Variants in FNDC8 observed in about 807,000 individuals in gnomAD.
FNDC8 encodes the protein fibronectin type III domain-containing protein 8.
In FNDC8, 23 loss-of-function variants were observed where a neutral mutation model predicts 24.8. The observed-to-expected ratio is 0.93, with a 90% confidence interval of 0.67 to 1.31. FNDC8 has a LOEUF of 1.31. Among genes scored for constraint, FNDC8 ranks in the 40% most tolerant of loss-of-function variants. The probability of loss-of-function intolerance (pLI) is 0.00; values close to 1 mark genes in which losing one functional copy is unlikely to be tolerated. For synonymous variants in FNDC8, 158 were observed against 165.3 expected (o/e 0.96, Z 0.34); for missense variants, 371 against 398.2 (o/e 0.93, Z 0.58).
chr17:35,127,542 G>A (rs1444579870), intron 2 of FNDC8, 125 bp downstream of exon 2: 13 of 1,189,546 alleles, frequency 1.1e-5, no homozygotes, highest in Non-Finnish European at 1.4e-5. Context: ...TTTAGGAAGG[G>A]AGAGGATGTG....
rs146757908 is a variant in FNDC8 at position 35,130,341 on chromosome 17, C to T, written c.882C>T (p.Thr294=). The change falls in exon 4 of 4, where the codon ACC becomes ACT. Residue 294 remains threonine, a synonymous_variant. Transcript: ENST00000158009. Reference sequence around the variant, plus strand: ...CTGAGAACTACCCCATCCAGATCACCGTGCGGCGCAAGGAACCCCGGCAAA... The same window carrying T: ...CTGAGAACTACCCCATCCAGATCACTGTGCGGCGCAAGGAACCCCGGCAAA... ...SFPENYPIQI[T]VRRKEPRQKI... The T allele has an allele frequency of 9.3e-4, 1,506 of 1,614,110 alleles. 1 individual carries two copies. The highest frequency in any genetic ancestry group is 1.2e-3 in the Non-Finnish European group (1,416 of 1,180,000).
rs2091870858 is a variant in FNDC8, at chr17:35,130,550, G to A, written c.*116G>A. 2 of 1,133,674 alleles carry A rather than the reference G, an allele frequency of 1.8e-6. No individual in the cohort carries two copies. Among genetic ancestry groups the A allele is most frequent in the African/African-American group, 1.6e-5 (1 of 64,312 alleles). 70.2% of individuals were successfully genotyped at this position (1,133,674 alleles called of 1,614,324 possible). Reference sequence around the variant, plus strand: ...CACCCTGCGGGCCCGGGGTCTGGCAGAGTGGTATGGGCACCCCACCCCTGG... The same window carrying A: ...CACCCTGCGGGCCCGGGGTCTGGCAAAGTGGTATGGGCACCCCACCCCTGG... On this transcript the variant is annotated 3_prime_UTR_variant, in exon 4 of 4. Coordinates refer to ENST00000158009, the MANE Select transcript of FNDC8 (RefSeq NM_017559.4).
At chr17:35,124,653 C>T (rs902685533) in intron 1 of FNDC8, among the ~76,000 whole-genome samples, 1 of 152,172 alleles carries the variant, frequency 6.6e-6, no homozygotes, top group Non-Finnish European at 1.5e-5. Context: ...TATGCATGTA[C>T]TAAGTTGCCA....
chr17:35,129,747 C>T, intron 3 of FNDC8, 89 bp downstream of exon 3: 1 of 1,513,948 alleles, frequency 6.6e-7, no homozygotes, highest in Non-Finnish European at 8.8e-7. Flanking sequence ...CACCCCTATG[C>T]CCACATGACT....
rs1555571401 is a variant in FNDC8 at position 35,127,241 on chromosome 17, C to T, written c.409C>T (p.Leu137Phe). 1 of 1,613,710 alleles carries T rather than the reference C, an allele frequency of 6.2e-7. No individual in the cohort carries two copies. Among genetic ancestry groups the T allele is most frequent in the South Asian group, 1.1e-5 (1 of 91,000 alleles). Residue 137 changes from leucine (L) to phenylalanine (F), a missense_variant, in exon 2 of 4, where the codon CTC (leucine) becomes TTC (phenylalanine). Leu to Phe is a conservative substitution (Grantham distance 22). Coordinates refer to ENST00000158009, the MANE Select transcript of FNDC8 (RefSeq NM_017559.4). ...AKNAENEDLA[L>F]GPCPCPSKSQ... is the part of the protein sequence containing the mutation. Reference sequence around the variant, plus strand: ...GAATGCAGAAAATGAGGACCTGGCGCTCGGCCCCTGCCCATGCCCATCGAA... The same window carrying T: ...GAATGCAGAAAATGAGGACCTGGCGTTCGGCCCCTGCCCATGCCCATCGAA...
chr17:35,129,848 GC>G, intron 3 of FNDC8, 190 bp downstream of exon 3: 1 of 1,425,994 alleles, frequency 7.0e-7, no homozygotes, highest in Non-Finnish European at 9.1e-7. Flanking sequence ...CCACTCTGGG[GC>G]CCACTAGGAA....
Position 35,129,547 on chromosome 17 carries a change from G to C in FNDC8, c.711G>C (p.Lys237Asn). 6.2e-7 allele frequency: 1 copy of C among 1,614,188 alleles called. No individual in the cohort carries two copies. The highest frequency in any genetic ancestry group is 8.5e-7 in the Non-Finnish European group (1 of 1,180,036). Residue 237 changes from lysine (K) to asparagine (N), a missense_variant, in exon 3 of 4, where the codon AAG becomes AAC. Coordinates refer to ENST00000158009, the MANE Select transcript of FNDC8 (RefSeq NM_017559.4). ...AGAATCGTCCATGGATCTTCAACAA[G>C]ATTTTGGGCACTACTGTCAAGCTGA... ...EAKNRPWIFN[K>N]ILGTTVKLME...
At position 35,130,461 on chromosome 17, in the gene FNDC8, CCTA is replaced by C. The variant is rs1439926229; in HGVS notation, c.*30_*32del. On this transcript the variant is annotated 3_prime_UTR_variant, in exon 4 of 4. Coordinates refer to ENST00000158009, the MANE Select transcript of FNDC8 (RefSeq NM_017559.4). ...GGGGAGGGCCCCAGGACACCCCTCA[CCTA>C]CTTTCAGCTTCAACCCCAGGCCCTC... The C allele has an allele frequency of 2.5e-6, 4 of 1,605,178 alleles. No individual in the cohort carries two copies. In the South Asian group the frequency reaches 4.4e-5, roughly 18 times the overall value.
At position 35,121,770 on chromosome 17, in the gene FNDC8, A is replaced by G; in HGVS notation, c.77A>G (p.Asn26Ser). ...AAGAAAGAAAACTTCAACATGATGA[A>G]TGCCCTTGACCAACTGCCAAAACCC... ...VLKKENFNMM[N>S]ALDQLPKPFS... Residue 26 changes from asparagine to serine, a missense_variant, in exon 1 of 4, where the codon AAT (asparagine) becomes AGT (serine). By Grantham distance (46) the Asn-to-Ser change is conservative (BLOSUM62 1). Coordinates refer to ENST00000158009, the MANE Select transcript of FNDC8 (RefSeq NM_017559.4). The G allele has an allele frequency of 6.2e-7, 1 of 1,613,762 alleles. No individual in the cohort carries two copies. The highest frequency in any genetic ancestry group is 8.5e-7 in the Non-Finnish European group (1 of 1,179,800).
chr17:35,121,658 C>T lies in FNDC8; in HGVS notation c.-36C>T. On this transcript the variant is annotated 5_prime_UTR_variant, in exon 1 of 4. Coordinates refer to ENST00000158009, the MANE Select transcript of FNDC8 (RefSeq NM_017559.4). ...CTCTGCTTCTGGTCAGCTGGGTTGTCCTGCATGGTGACGGGTGTCATCCCG... is the reference window on the plus strand; with the variant it reads ...CTCTGCTTCTGGTCAGCTGGGTTGTTCTGCATGGTGACGGGTGTCATCCCG... The T allele has an allele frequency of 1.2e-6, 2 of 1,604,874 alleles. No individual in the cohort carries two copies. Among genetic ancestry groups the T allele is most frequent in the Non-Finnish European group, 1.7e-6 (2 of 1,172,058 alleles).
chr17:35,129,345 G>T, intron 2 of FNDC8, 77 bp from the exon 3 acceptor site: 1 of 1,558,288 alleles, frequency 6.4e-7, no homozygotes. Flanking sequence ...GGGACGTCCT[G>T]ACCCCAGTTG....
At chr17:35,126,568 T>C (rs778951278) in intron 1 of FNDC8, among the ~76,000 whole-genome samples, 27 of 149,104 alleles carry the variant, frequency 1.8e-4, no homozygotes, top group Non-Finnish European at 3.6e-4. Context: ...AGTGGTGTGA[T>C]CTCGGCTCAC....
intron 1 of FNDC8, among the ~76,000 whole-genome samples, chr17:35,122,157 CATATATATATATATAT>C (rs1161260066): frequency 4.4e-4 from 16 of 36,458 alleles, no homozygotes; most frequent in Admixed American, 1.7e-3. Flanking sequence ...GGCTAATTTT[CATATATATATATATAT>C]ATATATATAT....
intron 1 of FNDC8, among the ~76,000 whole-genome samples, chr17:35,126,187 GC>G (rs1284769656): frequency 1.3e-5 from 2 of 152,134 alleles, no homozygotes; most frequent in African/African-American, 4.8e-5. Flanking sequence ...CTCCCAAAGT[GC>G]TGAGATTACA....
At chr17:35,123,896 T>G (rs2091839709) in intron 1 of FNDC8, among the ~76,000 whole-genome samples, 1 of 152,242 alleles carries the variant, frequency 6.6e-6, no homozygotes. Context: ...CTTCTGTGCT[T>G]GCTTCAGTAC....
Position 35,122,947 on chromosome 17 carries a change from AG to A in FNDC8, c.209+1049del, listed in dbSNP as rs1348418235. Among the ~76,000 whole-genome samples the A allele has an allele frequency of 3.3e-5, 5 of 152,270 alleles. No individual in the cohort carries two copies. The South Asian group carries it at 1.0e-3, about 32-fold the overall frequency. ...AGGACAGGATGCCTTGAGGGACCAG[AG>A]GGGCTTAGTATAGCTTGAGACTGGG... On this transcript the variant is annotated intron_variant, in intron 1 of 3. Transcript: ENST00000158009.
At chr17:35,129,691 GGA>G (rs1434257876) in intron 3 of FNDC8, 33 bp downstream of exon 3, 6 of 1,603,622 alleles carry the variant, frequency 3.7e-6, no homozygotes, top group Non-Finnish European at 5.1e-6. Context: ...CCTTGGGGGT[GGA>G]GAGAAGTCCA....
At chr17:35,128,728 G>A (rs1353880570) in intron 2 of FNDC8, 1 of 153,430 alleles carries the variant, frequency 6.5e-6, no homozygotes, top group East Asian at 1.9e-4. Flanking sequence ...TTGGGGGGAT[G>A]GTTTCAGGAT....
chr17:35,122,210 A>ATTTTT (rs5820100), intron 1 of FNDC8, among the ~76,000 whole-genome samples: 7 of 44,798 alleles, frequency 1.6e-4, no homozygotes, highest in African/African-American at 3.1e-4. Context: ...ATATATATAA[A>ATTTTT]TTTTTTTTTT....
Sources: gnomAD v4.1 joint callset for allele counts (sites outside exome capture counted in the v4.1 genomes callset) on GRCh38, gnomAD v4.1.1 for gene constraint, MANE v1.5 for transcripts, NCBI Gene and HGNC (gene_info 2026-07-23, HGNC 2026-07-21) for gene names.